PASK: variants seen among roughly 807,000 people sequenced by gnomAD.
PASK encodes the protein PAS domain containing serine/threonine kinase, also known as PAS domain-containing serine/threonine-protein kinase.
In PASK, 110 loss-of-function variants were observed where a neutral mutation model predicts 121.0. The observed-to-expected ratio is 0.91, with a 90% confidence interval of 0.78 to 1.06. The LOEUF (loss-of-function observed/expected upper bound fraction) is 1.06, where lower values mean the gene tolerates loss of function less well. Among genes scored for constraint, PASK ranks in the 50% least tolerant of loss-of-function variants. PASK has a pLI of 0.00. For missense variants in PASK, 1,643 were observed against 1,702.3 expected (o/e 0.97, Z 0.61); for synonymous variants, 686 against 717.8 (o/e 0.96, Z 0.71).
chr2:241,127,783 C>T (rs990195105), intron 9 of PASK: 33 of 385,092 alleles, frequency 8.6e-5, no homozygotes, highest in Non-Finnish European at 3.5e-5. Context: ...TAGCCTCGGC[C>T]CCACCTGCAA....
chr2:241,131,066 G>A (rs753932158), intron 9 of PASK, among the ~76,000 whole-genome samples: 1 of 150,116 alleles, frequency 6.7e-6, no homozygotes, highest in Non-Finnish European at 1.5e-5. Context: ...AGGATTGGAG[G>A]AGGGGGATTG....
chr2:241,127,529 A>G, intron 9 of PASK, 78 bp from the exon 10 acceptor site: 1 of 1,165,820 alleles, frequency 8.6e-7, no homozygotes. Flanking sequence ...ATTCTCCATT[A>G]GAACTAAGTA....
At position 241,115,045 on chromosome 2, in the gene PASK, G is replaced by T; in HGVS notation, c.3331C>A (p.Gln1111Lys). 1.9e-6 allele frequency: 3 copies of T among 1,614,144 alleles called. No homozygotes were observed. Among genetic ancestry groups the T allele is most frequent in the Non-Finnish European group, 2.5e-6 (3 of 1,179,990 alleles). The change falls in exon 14 of 18, where the codon CAA becomes AAA. Residue 1111 changes from glutamine to lysine, a missense_variant and splice_region_variant. Coordinates refer to ENST00000234040, the MANE Select transcript of PASK (RefSeq NM_015148.4). ...ACACGGCTCTGGCCTGCTCTCACTT[G>T]TCGGAAGATGTAGCTCGCCAGGGGC... is the stretch of plus-strand genomic sequence containing the variant. The part of the protein sequence containing the change: ...DEPLASYIFR[Q>K]LVSAVGYLRL...
intron 3 of PASK, 71 bp from the exon 4 acceptor site, chr2:241,140,126 A>G: frequency 8.0e-7 from 1 of 1,256,392 alleles, no homozygotes. Flanking sequence ...AGAACAGCCC[A>G]GGACGACCAT....
intron 1 of PASK, among the ~76,000 whole-genome samples, chr2:241,148,810 G>A (rs2067108529): frequency 6.6e-6 from 1 of 152,186 alleles, no homozygotes; most frequent in Admixed American, 6.5e-5. Flanking sequence ...ACCCCTAAGA[G>A]AAAAATGGAC....
At position 241,135,864 on chromosome 2, in the gene PASK, G is replaced by A. The variant is rs371773897; in HGVS notation, c.1306+7C>T. 91 of 1,613,124 alleles carry A rather than the reference G, an allele frequency of 5.6e-5. No homozygotes were observed. Among genetic ancestry groups the A allele is most frequent in the Non-Finnish European group, 7.1e-5 (84 of 1,179,298 alleles). On this transcript the variant is annotated splice_region_variant and intron_variant, in intron 8 of 17. Transcript: ENST00000234040. ...CAGGCGCATTCAGGAGGAAGAGGACGTCTTACCCTGGCCCCCCTCAGCTGG... is the reference window on the plus strand; with the variant it reads ...CAGGCGCATTCAGGAGGAAGAGGACATCTTACCCTGGCCCCCCTCAGCTGG...
chr2:241,123,385 A>G (rs996979645), intron 11 of PASK, among the ~76,000 whole-genome samples: 7 of 152,038 alleles, frequency 4.6e-5, no homozygotes, highest in African/African-American at 7.2e-5. Context: ...TCACTGTGTT[A>G]GCCAGGATGG....
At chr2:241,114,312 G>A (rs2065235121) in intron 14 of PASK, 2 of 985,380 alleles carry the variant, frequency 2.0e-6, no homozygotes, top group African/African-American at 3.5e-5. Context: ...TTGATTCACG[G>A]AAGCTGTCAT....
At chr2:241,143,547 T>C (rs532458378) in intron 1 of PASK, among the ~76,000 whole-genome samples, 1 of 145,222 alleles carries the variant, frequency 6.9e-6, no homozygotes, top group African/African-American at 2.6e-5. Flanking sequence ...AGAGACTCCA[T>C]GTCAAAAAAA....
Position 241,135,268 on chromosome 2 carries a change from T to C in PASK, c.1306+603A>G, listed in dbSNP as rs539572250. On this transcript the variant is annotated intron_variant, in intron 8 of 17. Coordinates refer to ENST00000234040, the MANE Select transcript of PASK (RefSeq NM_015148.4). The stretch of plus-strand genomic sequence containing the variant: ...GGAAATACTGGTAGAACATTCAATT[T>C]AGGAATTGCAGTCAACCCTCAGTAC... Among the ~76,000 whole-genome samples, 104 of 152,146 alleles carry C rather than the reference T, an allele frequency of 6.8e-4. 1 individual carries two copies. Among genetic ancestry groups the C allele is most frequent in the South Asian group, 1.7e-3 (8 of 4,830 alleles).
Position 241,126,922 on chromosome 2 carries a change from G to T in PASK, c.1993C>A (p.Gln665Lys). 1 of 1,614,120 alleles carries T rather than the reference G, an allele frequency of 6.2e-7. No homozygotes were observed. Reference sequence around the variant, plus strand: ...CCTGCAAGGCTCAACTGGGACAGCTGCTCCTTAATCAAGCAGGTCTGCAGC... The same window carrying T: ...CCTGCAAGGCTCAACTGGGACAGCTTCTCCTTAATCAAGCAGGTCTGCAGC... ...EELQTCLIKE[Q>K]LSQLSLAGAL... The change falls in exon 10 of 18, where the codon CAG becomes AAG. Residue 665 changes from glutamine to lysine, a missense_variant. By Grantham distance (53) the Gln-to-Lys change is moderately conservative. Coordinates refer to ENST00000234040, the MANE Select transcript of PASK (RefSeq NM_015148.4).
rs563062107 is a variant in PASK, at chr2:241,132,995, C to T, written c.1342G>A (p.Val448Ile). 1.1e-5 allele frequency: 18 copies of T among 1,614,132 alleles called. 1 individual carries two copies. The East Asian group carries it at 1.6e-4, about 14-fold the overall frequency. ...RINVVLAGGHVVPRDEIRKLM... is the reference protein window; with the variant it reads ...RINVVLAGGHIVPRDEIRKLM... The stretch of plus-strand genomic sequence containing the variant: ...TTCCGGATCTCATCTCGGGGCACAA[C>T]GTGGCCACCAGCAAGCACGACATTA... Residue 448 changes from valine (V) to isoleucine (I), a missense_variant, in exon 9 of 18, where the codon GTT becomes ATT. Physicochemically the swap from Val to Ile is conservative, Grantham distance 29. Transcript: ENST00000234040.
chr2:241,145,542 TAAAC>T (rs1299249039), intron 1 of PASK, among the ~76,000 whole-genome samples: 1 of 151,736 alleles, frequency 6.6e-6, no homozygotes, highest in Non-Finnish European at 1.5e-5. Flanking sequence ...AAAGTTTTCT[TAAAC>T]AAGGCACAAA....
chr2:241,133,260 C>A, intron 8 of PASK: 1 of 594,720 alleles, frequency 1.7e-6, no homozygotes, highest in Non-Finnish European at 3.1e-6. Flanking sequence ...TATTAACACC[C>A]AAGTCAGAGC....
intron 15 of PASK, among the ~76,000 whole-genome samples, chr2:241,111,768 G>A (rs1446708104): frequency 6.6e-6 from 1 of 152,186 alleles, no homozygotes; most frequent in Non-Finnish European, 1.5e-5. Flanking sequence ...AGTCTGGCTG[G>A]TCAGCGACAG....
At chr2:241,110,316 A>G (rs939788168) in intron 15 of PASK, among the ~76,000 whole-genome samples, 1 of 152,240 alleles carries the variant, frequency 6.6e-6, no homozygotes, top group Admixed American at 6.5e-5. Context: ...AGAGGGACCT[A>G]AGGCCACAGT....
chr2:241,106,913 G>A (rs1473375948), intron 17 of PASK, among the ~76,000 whole-genome samples, 190 bp from the exon 18 acceptor site: 1 of 152,226 alleles, frequency 6.6e-6, no homozygotes, highest in Non-Finnish European at 1.5e-5. Flanking sequence ...ACCGCAGCTT[G>A]GTCCAAATGC....
intron 14 of PASK, chr2:241,114,131 C>G (rs17382723): frequency 0.21 from 204,047 of 984,670 alleles, 21,689 homozygotes; most frequent in Middle Eastern, 0.27. Context: ...GTTTCAGAAA[C>G]AAGTGTTGGC....
At chr2:241,114,980 C>G (rs774375642) in intron 14 of PASK, 63 bp downstream of exon 14, 4 of 1,613,020 alleles carry the variant, frequency 2.5e-6, no homozygotes, top group African/African-American at 2.7e-5. Flanking sequence ...CTGATCTTTG[C>G]AGCCACCGGA....
Sources: allele counts gnomAD v4.1 joint callset (sites outside exome capture counted in the v4.1 genomes callset), GRCh38; gene constraint gnomAD v4.1.1; transcripts MANE v1.5; gene names NCBI Gene and HGNC (gene_info 2026-07-23, HGNC 2026-07-21).